Variants in PDE4D observed in about 807,000 individuals in gnomAD.
PDE4D encodes the protein phosphodiesterase 4D.
PDE4D carries 24 observed loss-of-function variants against 87.4 expected under a neutral mutation model. The observed-to-expected ratio is 0.27, with a 90% CI of 0.20 to 0.39. The LOEUF is 0.39. PDE4D is among the 10% of genes least tolerant of loss of function. The pLI is 1.00. For synonymous variants in PDE4D, 384 were observed against 383.2 expected, an observed-to-expected ratio of 1.00 and a Z score of -0.02; for missense variants, 714 against 1,041.0, an observed-to-expected ratio of 0.69 and a Z score of 4.32.
chr5:59,031,413 T>G (rs867684887), intron 6 of PDE4D, among the ~76,000 whole-genome samples: 235 of 100,300 alleles, frequency 2.3e-3, no homozygotes, highest in African/African-American at 7.7e-3. Context: ...TATATATATA[T>G]ATAGATTATA....
intron 1 of PDE4D, among the ~76,000 whole-genome samples, chr5:59,534,363 G>A (rs1461557384): frequency 6.6e-6 from 1 of 152,144 alleles, no homozygotes; most frequent in Non-Finnish European, 1.5e-5. Flanking sequence ...ATGGTCTATA[G>A]TTTTATTTTA....
chr5:60,273,785 C>T (rs113392712), intron 1 of PDE4D, among the ~76,000 whole-genome samples: 96 of 152,100 alleles, frequency 6.3e-4, no homozygotes, highest in African/African-American at 2.0e-3. Flanking sequence ...CAGGAGGAGA[C>T]GCAGACATGG....
chr5:60,303,602 C>T (rs1267651705), intron 1 of PDE4D, among the ~76,000 whole-genome samples: 6 of 152,144 alleles, frequency 3.9e-5, no homozygotes, highest in East Asian at 1.9e-4. Context: ...CCACCGCGCC[C>T]GGCCTCTATG....
chr5:59,680,825 T>C (rs1445111835), intron 1 of PDE4D, among the ~76,000 whole-genome samples: 1 of 152,096 alleles, frequency 6.6e-6, no homozygotes, highest in Non-Finnish European at 1.5e-5. Flanking sequence ...CCGTAACTTC[T>C]CACAGAGTTA....
intron 10 of PDE4D, 119 bp downstream of exon 10, chr5:58,989,636 A>G (rs1017135224): frequency 1.5e-5 from 9 of 602,882 alleles, no homozygotes; most frequent in African/African-American, 3.8e-5. Context: ...CCATAAGTCA[A>G]TAAGTTATAC....
chr5:59,621,149 A>G (rs146523533), intron 1 of PDE4D, among the ~76,000 whole-genome samples: 1 of 152,260 alleles, frequency 6.6e-6, no homozygotes, highest in African/African-American at 2.4e-5. Flanking sequence ...TGCAATTTCC[A>G]TCTTCACACT....
intron 2 of PDE4D, among the ~76,000 whole-genome samples, chr5:60,014,091 TAAAAAAAAAAAA>T (rs36035984): frequency 2.1e-5 from 2 of 96,460 alleles, no homozygotes; most frequent in African/African-American, 8.0e-5. Context: ...GACTCCACCT[TAAAAAAAAAAAA>T]AAAAAAAAAA....
chr5:59,465,929 G>A (rs1235403449), intron 1 of PDE4D, among the ~76,000 whole-genome samples: 2 of 152,102 alleles, frequency 1.3e-5, no homozygotes, highest in African/African-American at 4.8e-5. Flanking sequence ...CCAAAGACAC[G>A]TTTGGTACGA....
rs115947587 is a variant in PDE4D, at chr5:59,547,884, T to C, written c.456-331916A>G. On this transcript the variant is annotated intron_variant, in intron 1 of 14. Transcript: ENST00000340635. ...CAATTGACTCAAGGTTGACCTGTAA[T>C]CCAAGTGCACACGTTTCAAGTCAGC... Among the ~76,000 whole-genome samples the C allele has an allele frequency of 4.3e-3, 658 of 152,276 alleles. 9 individuals carry two copies. The highest frequency in any genetic ancestry group is 0.015 in the African/African-American group (620 of 41,566).
chr5:59,644,296 G>T (rs1005740201), intron 1 of PDE4D, among the ~76,000 whole-genome samples: 3 of 152,094 alleles, frequency 2.0e-5, no homozygotes, highest in Non-Finnish European at 4.4e-5. Flanking sequence ...GTACTGTGTT[G>T]GTCTGAGTAA....
chr5:60,410,676 A>C (rs1345434634), intron 1 of PDE4D, among the ~76,000 whole-genome samples: 1 of 152,212 alleles, frequency 6.6e-6, no homozygotes, highest in African/African-American at 2.4e-5. Context: ...ACTATGACTG[A>C]CTTCCATTTT....
At chr5:59,179,809 G>A (rs944745104) in intron 5 of PDE4D, 1 of 290,196 alleles carries the variant, frequency 3.4e-6, no homozygotes, top group African/African-American at 2.3e-5. Context: ...GAAAACATAG[G>A]TTTTCTTTTC....
chr5:60,040,119 T>G (rs1253300847), intron 2 of PDE4D, among the ~76,000 whole-genome samples: 1 of 152,238 alleles, frequency 6.6e-6, no homozygotes, highest in Non-Finnish European at 1.5e-5. Flanking sequence ...ATTGGACTAA[T>G]TTATCTATGT....
intron 1 of PDE4D, among the ~76,000 whole-genome samples, chr5:59,819,965 C>G (rs1052356997): frequency 6.6e-6 from 1 of 152,214 alleles, no homozygotes; most frequent in African/African-American, 2.4e-5. Flanking sequence ...TTTTCTGCTA[C>G]TGCTGCATAC....
At chr5:59,252,973 A>G (rs1191805774) in intron 1 of PDE4D, among the ~76,000 whole-genome samples, 2 of 152,204 alleles carry the variant, frequency 1.3e-5, no homozygotes, top group Admixed American at 6.5e-5. Context: ...GTGCACACAC[A>G]GTCGTAGCCC....
intron 1 of PDE4D, among the ~76,000 whole-genome samples, chr5:60,338,160 C>A (rs1474961300): frequency 6.6e-6 from 1 of 152,102 alleles, no homozygotes; most frequent in African/African-American, 2.4e-5. Flanking sequence ...ACGATGAAAG[C>A]CGTTGACACT....
At chr5:59,246,756 T>C (rs1309089652) in intron 1 of PDE4D, among the ~76,000 whole-genome samples, 3 of 152,154 alleles carry the variant, frequency 2.0e-5, no homozygotes, top group African/African-American at 4.8e-5. Flanking sequence ...GAAAAGTAAA[T>C]ATGCAATCCA....
intron 1 of PDE4D, among the ~76,000 whole-genome samples, chr5:59,423,545 G>C (rs1382438856): frequency 6.6e-6 from 1 of 152,070 alleles, no homozygotes; most frequent in Non-Finnish European, 1.5e-5. Flanking sequence ...TATTATGATA[G>C]TGCAGTAACA....
In PDE4D at chr5:59,093,223, T is replaced by C. The variant is rs1045317634; in HGVS notation, c.809-54252A>G. On this transcript the variant is annotated intron_variant, in intron 5 of 14. Coordinates refer to ENST00000340635, the MANE Select transcript of PDE4D (RefSeq NM_001104631.2). ...ACTTACTGCTTGGAGGCAGCAGAAT[T>C]AAGGAAGGCAGGAGTTTAGCGAGGG... Among the ~76,000 whole-genome samples, 7 of 152,248 alleles carry C rather than the reference T, an allele frequency of 4.6e-5. No individual in the cohort carries two copies. In the East Asian group the frequency reaches 7.7e-4, roughly 17 times the overall value.
Sources: allele counts gnomAD v4.1 joint callset (sites outside exome capture counted in the v4.1 genomes callset), GRCh38; gene constraint gnomAD v4.1.1; transcripts MANE v1.5; gene names NCBI Gene and HGNC (gene_info 2026-07-23, HGNC 2026-07-21).